Variants in TMEM225B observed in about 807,000 individuals in gnomAD.
TMEM225B encodes the protein transmembrane protein 225-like.
Under a neutral mutation model 16.9 loss-of-function variants are expected in TMEM225B, and 10 were observed. The ratio of observed to expected loss-of-function variants is 0.59; its 90% confidence interval spans 0.36 to 1.00. The LOEUF is 1.00. Among genes scored for constraint, TMEM225B ranks in the 50% least tolerant of loss-of-function variants. The probability of loss-of-function intolerance (pLI) is 0.01; values close to 1 mark genes in which losing one functional copy is unlikely to be tolerated. For missense variants in TMEM225B, 217 were observed against 267.0 expected (o/e 0.81, Z 1.30); for synonymous variants, 92 against 109.8 (o/e 0.84, Z 1.01).
rs1312233759 is a variant in TMEM225B at position 99,601,132 on chromosome 7, A to G, written c.-4+847A>G. Among the ~76,000 whole-genome samples, 4 of 152,202 alleles carry G rather than the reference A, an allele frequency of 2.6e-5. 1 individual carries two copies. The highest frequency in any genetic ancestry group is 2.6e-4 in the Admixed American group (4 of 15,268). ...CCCATCTATACAGAGGACAGGATCA[A>G]GATGCAGCCATGACTCCTTCCCATT... On this transcript the variant is annotated intron_variant, in intron 2 of 5. Coordinates refer to ENST00000431679, the MANE Select transcript of TMEM225B (RefSeq NM_001195541.3).
intron 2 of TMEM225B, 23 bp from the exon 3 acceptor site, chr7:99,604,363 A>G (rs1805611292): frequency 6.6e-7 from 1 of 1,521,300 alleles, no homozygotes; most frequent in South Asian, 1.2e-5. Flanking sequence ...TCCCACCTCC[A>G]CGATCACTTT....
Position 99,604,527 on chromosome 7 carries a change from G to A in TMEM225B, c.139G>A (p.Glu47Lys), listed in dbSNP as rs780862122. 7.2e-6 allele frequency: 11 copies of A among 1,536,068 alleles called. No individual in the cohort carries two copies. The highest frequency in any genetic ancestry group is 2.4e-5 in the East Asian group (1 of 40,924). The change falls in exon 3 of 6, where the codon GAA becomes AAA. Residue 47 changes from glutamate to lysine, a missense_variant. Physicochemically the swap from Glu to Lys is moderately conservative, Grantham distance 56. Transcript: ENST00000431679. The part of the protein sequence containing the change: ...WVRLTNEESH[E>K]VFFSGLFENC... ...GCGACTGACAAACGAGGAGTCCCAC[G>A]AAGTCTTTTTCAGTGGCCTATTTGA... is the stretch of plus-strand genomic sequence containing the variant.
rs1333739381 is a variant in TMEM225B at position 99,606,866 on chromosome 7, T to C, written c.327T>C (p.Phe109=). The part of the protein sequence containing the change: ...EFFPRTWKQN[F]VLACISFFTG... ...TCCCGAGGACCTGGAAGCAAAACTTTGTGTTAGCCTGCATCAGCTTCTTCA... is the reference window on the plus strand; with the variant it reads ...TCCCGAGGACCTGGAAGCAAAACTTCGTGTTAGCCTGCATCAGCTTCTTCA... Residue 109 remains phenylalanine (F), a synonymous_variant, in exon 4 of 6, where the codon TTT becomes TTC. Coordinates refer to ENST00000431679, the MANE Select transcript of TMEM225B (RefSeq NM_001195541.3). The C allele has an allele frequency of 1.1e-5, 17 of 1,536,136 alleles. No homozygotes were observed. Among genetic ancestry groups the C allele is most frequent in the Non-Finnish European group, 1.5e-5 (17 of 1,146,906 alleles).
intron 5 of TMEM225B, among the ~76,000 whole-genome samples, chr7:99,609,958 G>A (rs961920881): frequency 1.3e-5 from 2 of 151,976 alleles, no homozygotes; most frequent in African/African-American, 4.8e-5. Context: ...GATGAGTCTC[G>A]AACTCCTGGG....
At chr7:99,607,266 T>A (rs1805897931) in intron 4 of TMEM225B, among the ~76,000 whole-genome samples, 1 of 152,070 alleles carries the variant, frequency 6.6e-6, no homozygotes, top group Non-Finnish European at 1.5e-5. Flanking sequence ...ATTGCTGAGA[T>A]TACAGGCATG....
intron 3 of TMEM225B, among the ~76,000 whole-genome samples, chr7:99,606,487 T>C (rs1805818286): frequency 6.6e-6 from 1 of 152,198 alleles, no homozygotes; most frequent in Non-Finnish European, 1.5e-5. Context: ...AAAATATGTT[T>C]ATTAAGAACT....
At chr7:99,601,900 GC>G (rs1805403251) in intron 2 of TMEM225B, among the ~76,000 whole-genome samples, 1 of 152,220 alleles carries the variant, frequency 6.6e-6, no homozygotes, top group African/African-American at 2.4e-5. Flanking sequence ...TTGGGTAGAG[GC>G]CCCAGTGTCT....
Position 99,606,822 on chromosome 7 carries a change from C to A in TMEM225B, c.283C>A (p.Pro95Thr), listed in dbSNP as rs1458158753. Residue 95 changes from proline to threonine, a missense_variant, in exon 4 of 6, where the codon CCC becomes ACC. Pro to Thr is a conservative substitution (Grantham distance 38, BLOSUM62 -1). Coordinates refer to ENST00000431679, the MANE Select transcript of TMEM225B (RefSeq NM_001195541.3). ...LAFVTTFIMM[P>T]FASEFFPRTW... ...TTTCGTCACCACCTTCATCATGATG[C>A]CCTTTGCATCCGAGTTCTTCCCGAG... 2 of 1,535,938 alleles carry A rather than the reference C, an allele frequency of 1.3e-6. No homozygotes were observed. Among genetic ancestry groups the A allele is most frequent in the African/African-American group, 2.7e-5 (2 of 73,024 alleles).
chr7:99,599,798 G>C (rs1805190381), intron 1 of TMEM225B, among the ~76,000 whole-genome samples: 1 of 152,180 alleles, frequency 6.6e-6, no homozygotes, highest in Non-Finnish European at 1.5e-5. Flanking sequence ...CAGTGATGCA[G>C]TATTCTGGTC....
chr7:99,606,495 A>G (rs563784011), intron 3 of TMEM225B, among the ~76,000 whole-genome samples: 1 of 152,216 alleles, frequency 6.6e-6, no homozygotes, highest in East Asian at 1.9e-4. Flanking sequence ...TTTATTAAGA[A>G]CTGGTGATTT....
chr7:99,607,220 C>T (rs1188505549), intron 4 of TMEM225B, among the ~76,000 whole-genome samples: 1 of 151,944 alleles, frequency 6.6e-6, no homozygotes, highest in Non-Finnish European at 1.5e-5. Context: ...GCCTTGAACT[C>T]CTGGTGTCAA....
intron 5 of TMEM225B, among the ~76,000 whole-genome samples, chr7:99,608,874 T>C (rs1274771911): frequency 6.8e-6 from 1 of 146,520 alleles, no homozygotes; most frequent in Non-Finnish European, 1.5e-5. Flanking sequence ...CACACATATA[T>C]GTGTATATAT....
intron 4 of TMEM225B, 68 bp from the exon 5 acceptor site, chr7:99,607,605 G>C: frequency 6.8e-7 from 1 of 1,460,422 alleles, no homozygotes; most frequent in South Asian, 1.4e-5. Flanking sequence ...GAGCCACAGG[G>C]GGTGAAGTTT....
At chr7:99,601,840 A>G (rs144554959) in intron 2 of TMEM225B, among the ~76,000 whole-genome samples, 2 of 152,224 alleles carry the variant, frequency 1.3e-5, no homozygotes, top group African/African-American at 4.8e-5. Flanking sequence ...AAGTGTCTGC[A>G]TGGGCAAAGA....
At chr7:99,599,371 C>T (rs1805146792) in intron 1 of TMEM225B, among the ~76,000 whole-genome samples, 1 of 151,942 alleles carries the variant, frequency 6.6e-6, no homozygotes, top group South Asian at 2.1e-4. Context: ...ATCACTTGAG[C>T]CCAGGGGTTG....
At chr7:99,608,565 T>TTTTTAA (rs1806014930) in intron 5 of TMEM225B, among the ~76,000 whole-genome samples, 1 of 146,268 alleles carries the variant, frequency 6.8e-6, no homozygotes, top group African/African-American at 2.6e-5. Context: ...TTTTTTTTTT[T>TTTTTAA]AAGAGATAGG....
At chr7:99,598,624 C>G (rs755728877) in intron 1 of TMEM225B, among the ~76,000 whole-genome samples, 2 of 152,150 alleles carry the variant, frequency 1.3e-5, no homozygotes, top group African/African-American at 4.8e-5. Context: ...GGGGAAAGGG[C>G]CGAGGACGGT....
At position 99,607,708 on chromosome 7, in the gene TMEM225B, C is replaced by T. The variant is rs1297866801; in HGVS notation, c.391C>T (p.Leu131=). The part of the protein sequence containing the change: ...CAFLALVLHA[L]EIKALRMKLG... ...CTTCCTGGCTTTGGTGCTGCATGCCCTGGAGATCAAGGCTCTGAGGATGAA... is the reference window on the plus strand; with the variant it reads ...CTTCCTGGCTTTGGTGCTGCATGCCTTGGAGATCAAGGCTCTGAGGATGAA... Residue 131 remains leucine (L), a synonymous_variant, in exon 5 of 6, where the codon CTG becomes TTG. Coordinates refer to ENST00000431679, the MANE Select transcript of TMEM225B (RefSeq NM_001195541.3). 2 of 1,536,084 alleles carry T rather than the reference C, an allele frequency of 1.3e-6. No homozygotes were observed. Among genetic ancestry groups the T allele is most frequent in the Non-Finnish European group, 1.7e-6 (2 of 1,146,874 alleles).
chr7:99,600,855 C>T (rs1014466006), intron 2 of TMEM225B, among the ~76,000 whole-genome samples: 1 of 151,688 alleles, frequency 6.6e-6, no homozygotes, highest in Non-Finnish European at 1.5e-5. Flanking sequence ...ACGTGGCAGG[C>T]GTGGGGACAG....
Sources: allele counts gnomAD v4.1 joint callset (sites outside exome capture counted in the v4.1 genomes callset), GRCh38; gene constraint gnomAD v4.1.1; transcripts MANE v1.5; gene names NCBI Gene and HGNC (gene_info 2026-07-23, HGNC 2026-07-21).